The following DGKB variants were observed in gnomAD, a reference collection of about 807,000 sequenced individuals.
DGKB encodes diacylglycerol kinase beta, also known as 90 kDa diacylglycerol kinase.
DGKB carries 67 observed loss-of-function variants against 114.3 expected under a neutral mutation model. That is an observed-to-expected ratio of 0.59 (90% CI 0.48 to 0.72). DGKB has a LOEUF of 0.72. Ranked by LOEUF, DGKB falls within the 30% of genes least tolerant of loss-of-function variation. The pLI is 0.00. For synonymous variants in DGKB, 398 were observed against 323.1 expected (o/e 1.23, Z -2.49); for missense variants, 907 against 975.2 (o/e 0.93, Z 0.93).
At chr7:14,167,691 C>A (rs1478386105) in intron 25 of DGKB, among the ~76,000 whole-genome samples, 1 of 152,032 alleles carries the variant, frequency 6.6e-6, no homozygotes, top group Non-Finnish European at 1.5e-5. Flanking sequence ...GGATCTTTTA[C>A]AAGTAAGATA....
chr7:14,434,179 T>A (rs171927), intron 21 of DGKB, among the ~76,000 whole-genome samples: 144,910 of 152,260 alleles, frequency 0.95, 69,234 homozygotes, highest in Non-Finnish European at 1. Flanking sequence ...ACAAGCAAAC[T>A]GTTTGCCACT....
At chr7:14,915,203 C>CA (rs1369118975) in intron 1 of DGKB, among the ~76,000 whole-genome samples, 1 of 151,874 alleles carries the variant, frequency 6.6e-6, no homozygotes, top group Non-Finnish European at 1.5e-5. Flanking sequence ...CCTGTCTTGA[C>CA]AAAAAATAAA....
rs142711188 is a variant in DGKB, at chr7:14,151,293, G to C, written c.2305-2055C>G. On this transcript the variant is annotated intron_variant, in intron 25 of 25. Transcript: ENST00000402815. ...ATTTCCAAATAGTTGTTAAGACTAT[G>C]AAAGAAATATATCTTCCTAGCCATT... is the stretch of plus-strand genomic sequence containing the variant. 2.0e-3 allele frequency among the ~76,000 whole-genome samples: 298 copies of C among 151,974 alleles called. 2 individuals are homozygous for C. Among genetic ancestry groups the C allele is most frequent in the Admixed American group, 0.013 (200 of 15,192 alleles).
intron 21 of DGKB, among the ~76,000 whole-genome samples, chr7:14,383,604 C>T (rs1208622386): frequency 6.6e-6 from 1 of 152,152 alleles, no homozygotes; most frequent in East Asian, 1.9e-4. Flanking sequence ...GGTTCTTTTG[C>T]TCCAGCCCGC....
chr7:14,497,885 T>C (rs1021883718), intron 20 of DGKB, among the ~76,000 whole-genome samples: 1 of 151,812 alleles, frequency 6.6e-6, no homozygotes. Flanking sequence ...TGAAAAAAAT[T>C]CCTTTATATA....
intron 20 of DGKB, among the ~76,000 whole-genome samples, chr7:14,522,531 C>G (rs998229280): frequency 3.3e-5 from 5 of 152,158 alleles, no homozygotes; most frequent in African/African-American, 1.2e-4. Flanking sequence ...TGGTGATACT[C>G]CAAATCAAAC....
intron 13 of DGKB, among the ~76,000 whole-genome samples, chr7:14,647,396 C>A (rs796897676): frequency 9.9e-5 from 15 of 152,154 alleles, no homozygotes; most frequent in African/African-American, 3.6e-4. Context: ...CTGAATTCAA[C>A]CAAACTTTTA....
chr7:14,878,512 G>A (rs564061949), intron 1 of DGKB, among the ~76,000 whole-genome samples: 1 of 152,254 alleles, frequency 6.6e-6, no homozygotes, highest in East Asian at 1.9e-4. Context: ...TTGGGAGGCT[G>A]AGGCAGGTGG....
At chr7:14,353,478 C>G (rs1813858936) in intron 21 of DGKB, among the ~76,000 whole-genome samples, 1 of 152,124 alleles carries the variant, frequency 6.6e-6, no homozygotes, top group African/African-American at 2.4e-5. Flanking sequence ...ATGAAGCAGC[C>G]TTCTTGCCCC....
chr7:14,194,705 A>T (rs1784781573), intron 23 of DGKB, among the ~76,000 whole-genome samples: 1 of 152,146 alleles, frequency 6.6e-6, no homozygotes, highest in Non-Finnish European at 1.5e-5. Flanking sequence ...ATATATTCAT[A>T]GTGGAAGCCT....
intron 2 of DGKB, among the ~76,000 whole-genome samples, chr7:14,805,957 C>CT (rs1842744734): frequency 6.6e-6 from 1 of 151,052 alleles, no homozygotes; most frequent in East Asian, 1.9e-4. Flanking sequence ...ATTATTCTAA[C>CT]TTTGATTCTT....
intron 23 of DGKB, among the ~76,000 whole-genome samples, chr7:14,329,001 AC>A (rs1809245861): frequency 6.6e-6 from 1 of 151,930 alleles, no homozygotes; most frequent in Non-Finnish European, 1.5e-5. Flanking sequence ...GTGTGGTGGG[AC>A]TCATGAACTA....
intron 1 of DGKB, among the ~76,000 whole-genome samples, chr7:14,914,992 A>G (rs1482510051): frequency 6.6e-6 from 1 of 152,186 alleles, no homozygotes; most frequent in Non-Finnish European, 1.5e-5. Context: ...AAGAGCAAAA[A>G]TAATTTAAAA....
chr7:14,867,557 C>T lies in DGKB; in HGVS notation c.-187-26107G>A, dbSNP rs539525772. ...CATTTAAAAACTGATTTTGTGTTTC[C>T]TGATAGTGGAGCACAACTTTTTTCA... is the stretch of plus-strand genomic sequence containing the variant. On this transcript the variant is annotated intron_variant, in intron 1 of 25. Transcript: ENST00000402815. Among the ~76,000 whole-genome samples, 8 of 151,878 alleles carry T rather than the reference C, an allele frequency of 5.3e-5. No individual in the cohort carries two copies. The East Asian group carries it at 1.2e-3, about 22-fold the overall frequency.
At chr7:14,275,591 C>T (rs1798879687) in intron 23 of DGKB, among the ~76,000 whole-genome samples, 1 of 152,176 alleles carries the variant, frequency 6.6e-6, no homozygotes, top group African/African-American at 2.4e-5. Context: ...CGCCAATTCA[C>T]ATAGGGTCTC....
At position 14,352,530 on chromosome 7, in the gene DGKB, C is replaced by T. The variant is rs62444574; in HGVS notation, c.1836-7139G>A. On this transcript the variant is annotated intron_variant, in intron 21 of 25. Transcript: ENST00000402815. ...ACAAAAACGTACACAAAGTAAGTCC[C>T]TAAGAGCAGTGATAAATTCATAATT... Among the ~76,000 whole-genome samples the T allele has an allele frequency of 5.5e-3, 843 of 152,236 alleles. 5 individuals are homozygous for T. Among genetic ancestry groups the T allele is most frequent in the South Asian group, 0.011 (52 of 4,830 alleles).
At chr7:14,903,716 C>T (rs1347778950), upstream of DGKB, among the ~76,000 whole-genome samples, 2 of 152,084 alleles carry the variant, frequency 1.3e-5, no homozygotes, top group Non-Finnish European at 2.9e-5. Context: ...GTATGTGTAA[C>T]CAATCAGGGC....
chr7:14,754,814 T>C (rs1037424362), intron 3 of DGKB, among the ~76,000 whole-genome samples: 4 of 152,312 alleles, frequency 2.6e-5, no homozygotes, highest in African/African-American at 9.6e-5. Flanking sequence ...TTAATATGTA[T>C]GTGTACTGGG....
At chr7:14,365,104 C>G (rs1816441714) in intron 21 of DGKB, among the ~76,000 whole-genome samples, 1 of 151,332 alleles carries the variant, frequency 6.6e-6, no homozygotes, top group African/African-American at 2.4e-5. Flanking sequence ...GGGGTAGGGG[C>G]TCTTCATTCC....
Sources: allele counts gnomAD v4.1 joint callset (sites outside exome capture counted in the v4.1 genomes callset), GRCh38; gene constraint gnomAD v4.1.1; transcripts MANE v1.5; gene names NCBI Gene and HGNC (gene_info 2026-07-23, HGNC 2026-07-21).